Variants in REEP5 observed in about 807,000 individuals in gnomAD.
REEP5 encodes the protein receptor accessory protein 5, also known as receptor expression-enhancing protein 5.
REEP5 carries 24 observed loss-of-function variants against 22.4 expected under a neutral mutation model. The ratio of observed to expected loss-of-function variants is 1.07; its 90% CI spans 0.78 to 1.51. The LOEUF (loss-of-function observed/expected upper bound fraction) is 1.51, where lower values mean the gene tolerates loss of function less well. REEP5 is among the 40% of genes most tolerant of loss of function. REEP5 has a pLI of 0.00. For synonymous variants in REEP5, 103 were observed against 88.6 expected (o/e 1.16, Z -0.92); for missense variants, 252 against 233.0 (o/e 1.08, Z -0.53).
At chr5:112,903,866 C>G (rs1301097215) in intron 2 of REEP5, among the ~76,000 whole-genome samples, 1 of 152,204 alleles carries the variant, frequency 6.6e-6, no homozygotes, top group Non-Finnish European at 1.5e-5. Flanking sequence ...GAGACAGGGT[C>G]TCTGCACAGG....
At position 112,911,669 on chromosome 5, in the gene REEP5, T is replaced by C. The variant is rs1332450835; in HGVS notation, c.213-9151A>G. ...CTTTTTATATTTCTGTTTTGAGTTC[T>C]TGCTTTTAGGACCAAGTTCACATTT... On this transcript the variant is annotated intron_variant, in intron 2 of 4. Transcript: ENST00000379638. 2.0e-5 allele frequency among the ~76,000 whole-genome samples: 3 copies of C among 152,370 alleles called. No homozygotes were observed. The South Asian group carries it at 6.2e-4, about 32-fold the overall frequency.
chr5:112,899,718 A>C (rs1768800781), intron 3 of REEP5, among the ~76,000 whole-genome samples: 1 of 152,256 alleles, frequency 6.6e-6, no homozygotes, highest in Non-Finnish European at 1.5e-5. Flanking sequence ...CAATTCAACA[A>C]GAAATGGTTA....
intron 3 of REEP5, 76 bp from the exon 4 acceptor site, chr5:112,887,259 C>T: frequency 7.5e-7 from 1 of 1,333,726 alleles, no homozygotes; most frequent in African/African-American, 1.4e-5. Context: ...CTGTCTTTCA[C>T]TACTCTGGGG....
At chr5:112,889,160 G>A (rs1768353383) in intron 3 of REEP5, among the ~76,000 whole-genome samples, 1 of 150,680 alleles carries the variant, frequency 6.6e-6, no homozygotes, top group South Asian at 2.1e-4. Context: ...GCCCAGTCTC[G>A]GCTATGTCTT....
chr5:112,887,061 G>A lies in REEP5; in HGVS notation c.474C>T (p.Asp158=). Residue 158 remains aspartate, a synonymous_variant, in exon 4 of 5, where the codon GAC becomes GAT. Transcript: ENST00000379638. Reference sequence around the variant, plus strand: ...CAGTCTCTTTGGCCTTGTCTTTAAGGTCCTTGACCACACTGTCCATCTGGG... The same window carrying A: ...CAGTCTCTTTGGCCTTGTCTTTAAGATCCTTGACCACACTGTCCATCTGGG... ...HESQMDSVVK[D]LKDKAKETAD... The A allele has an allele frequency of 6.2e-7, 1 of 1,613,440 alleles. No homozygotes were observed. The highest frequency in any genetic ancestry group is 8.5e-7 in the Non-Finnish European group (1 of 1,179,688).
chr5:112,897,707 G>A (rs1768733063), intron 3 of REEP5: 1 of 152,030 alleles, frequency 6.6e-6, no homozygotes, highest in South Asian at 2.1e-4. Flanking sequence ...CTTATCAGCT[G>A]CTTTAGAAAA....
In REEP5 at chr5:112,878,502, A is replaced by AGTT; in HGVS notation, c.*281_*283dup. ...CTGTGGGGTATATAATTTTATTTTA[A>AGTT]GTTTATATTTCCTGCAGGATAGCAA... On this transcript the variant is annotated 3_prime_UTR_variant, in exon 5 of 5. Coordinates refer to ENST00000379638, the MANE Select transcript of REEP5 (RefSeq NM_005669.5). 1 of 407,100 alleles carries AGTT rather than the reference A, an allele frequency of 2.5e-6. No individual in the cohort carries two copies. Among genetic ancestry groups the AGTT allele is most frequent in the Non-Finnish European group, 4.3e-6 (1 of 230,118 alleles). 25.2% of individuals were successfully genotyped at this position (407,100 alleles called of 1,614,324 possible).
intron 4 of REEP5, among the ~76,000 whole-genome samples, chr5:112,883,483 G>A (rs184414536): frequency 6.6e-6 from 1 of 152,144 alleles, no homozygotes; most frequent in East Asian, 1.9e-4. Context: ...ACCTCAATTG[G>A]CCACTCCTTA....
chr5:112,885,774 G>T (rs780244616), intron 4 of REEP5: 6 of 253,908 alleles, frequency 2.4e-5, no homozygotes, highest in Non-Finnish European at 8.3e-6. Context: ...TATATGCCAA[G>T]CCCGTAGTCT....
At chr5:112,915,089 T>A in intron 2 of REEP5, among the ~76,000 whole-genome samples, 1 of 152,242 alleles carries the variant, frequency 6.6e-6, no homozygotes, top group East Asian at 1.9e-4. Context: ...AAAAATTAAG[T>A]TGAAAACTGA....
chr5:112,896,560 A>G (rs1768686642), intron 3 of REEP5: 1 of 152,274 alleles, frequency 6.6e-6, no homozygotes, highest in Non-Finnish European at 1.5e-5. Context: ...AAAATGTTAT[A>G]TTCTCTGTCA....
chr5:112,917,981 T>A (rs368870145), intron 2 of REEP5, among the ~76,000 whole-genome samples: 2 of 152,332 alleles, frequency 1.3e-5, no homozygotes, highest in South Asian at 4.1e-4. Flanking sequence ...AAGTGTACAA[T>A]TTATAAGTAT....
chr5:112,908,479 A>G (rs1394799410), intron 2 of REEP5, among the ~76,000 whole-genome samples: 1 of 152,110 alleles, frequency 6.6e-6, no homozygotes, highest in East Asian at 1.9e-4. Flanking sequence ...AATAAACACT[A>G]AAGTGAACAT....
intron 3 of REEP5, chr5:112,897,705 C>T (rs1768732935): frequency 6.6e-6 from 1 of 152,142 alleles, no homozygotes; most frequent in African/African-American, 2.4e-5. Flanking sequence ...ATCTTATCAG[C>T]TGCTTTAGAA....
At chr5:112,878,890 G>A (rs1056361794) in intron 4 of REEP5, 55 bp from the exon 5 acceptor site, 33 of 1,612,662 alleles carry the variant, frequency 2.0e-5, no homozygotes, top group Middle Eastern at 1.6e-4. Flanking sequence ...TCTTTGGAAT[G>A]CAAGCTTGCA....
At chr5:112,917,629 G>T (rs1344932529) in intron 2 of REEP5, among the ~76,000 whole-genome samples, 4 of 152,168 alleles carry the variant, frequency 2.6e-5, no homozygotes, top group African/African-American at 9.7e-5. Context: ...TGGCTCACTA[G>T]CGCCCACCCT....
intron 3 of REEP5, among the ~76,000 whole-genome samples, chr5:112,891,034 A>G (rs1218510482): frequency 6.6e-6 from 1 of 150,750 alleles, no homozygotes; most frequent in Non-Finnish European, 1.5e-5. Flanking sequence ...AGTAGGGGAA[A>G]GCAAATCCTA....
chr5:112,902,452 A>G lies in REEP5; in HGVS notation c.279T>C (p.Tyr93=), dbSNP rs1317236472. 6.2e-7 allele frequency: 1 copy of G among 1,613,348 alleles called. No individual in the cohort carries two copies. Among genetic ancestry groups the G allele is most frequent in the Non-Finnish European group, 8.5e-7 (1 of 1,179,756 alleles). Reference sequence around the variant, plus strand: ...AGAATTCAGCAATGCTGAACACACCATACACTACCCAGTAGGTCAGCCACT... The same window carrying G: ...AGAATTCAGCAATGCTGAACACACCGTACACTACCCAGTAGGTCAGCCACT... ...DTQWLTYWVV[Y]GVFSIAEFFS... Residue 93 remains tyrosine, a synonymous_variant, in exon 3 of 5, where the codon TAT becomes TAC. Transcript: ENST00000379638.
Position 112,878,606 on chromosome 5 carries a change from C to T in REEP5, c.*180G>A, listed in dbSNP as rs969019383. 3 of 876,490 alleles carry T rather than the reference C, an allele frequency of 3.4e-6. No individual in the cohort carries two copies. In the African/African-American group the frequency reaches 5.1e-5, roughly 15 times the overall value. The allele number at this position is 876,490 out of a possible 1,614,324, so 54.3% of individuals were successfully genotyped here. On this transcript the variant is annotated 3_prime_UTR_variant, in exon 5 of 5. Transcript: ENST00000379638. Reference sequence around the variant, plus strand: ...TGCCCACTGCATTAAGTTTAAAGTGCTCCCTATATATATAGACAGTAAAAG... The same window carrying T: ...TGCCCACTGCATTAAGTTTAAAGTGTTCCCTATATATATAGACAGTAAAAG...
Sources: gnomAD v4.1 joint callset for allele counts (sites outside exome capture counted in the v4.1 genomes callset) on GRCh38, gnomAD v4.1.1 for gene constraint, MANE v1.5 for transcripts, NCBI Gene and HGNC (gene_info 2026-07-23, HGNC 2026-07-21) for gene names.